Variants in ZRANB3 observed in about 807,000 individuals in gnomAD.
ZRANB3 encodes the protein DNA annealing helicase and endonuclease ZRANB3.
Under a neutral mutation model 133.8 loss-of-function variants are expected in ZRANB3, and 125 were observed. The ratio of observed to expected loss-of-function variants is 0.93; its 90% CI spans 0.81 to 1.08. The LOEUF (loss-of-function observed/expected upper bound fraction) is 1.08, where lower values mean the gene tolerates loss of function less well. ZRANB3 is among the 50% of genes least tolerant of loss of function. ZRANB3 has a pLI of 0.00. For missense variants in ZRANB3, 1,229 were observed against 1,275.5 expected (o/e 0.96, Z 0.56); for synonymous variants, 387 against 432.7 (o/e 0.89, Z 1.31).
At chr2:135,248,498 C>A (rs964070555) in intron 12 of ZRANB3, among the ~76,000 whole-genome samples, 1 of 152,156 alleles carries the variant, frequency 6.6e-6, no homozygotes, top group Non-Finnish European at 1.5e-5. Flanking sequence ...AAACAGACAA[C>A]CTACAGAAAG....
At chr2:135,420,124 T>A (rs13388523) in intron 2 of ZRANB3, among the ~76,000 whole-genome samples, 2,276 of 91,282 alleles carry the variant, frequency 0.025, 64 homozygotes, top group African/African-American at 0.15. Context: ...TATATATATA[T>A]AACTTATAGA....
At chr2:135,472,566 T>G (rs1272770939) in intron 2 of ZRANB3, among the ~76,000 whole-genome samples, 2 of 152,056 alleles carry the variant, frequency 1.3e-5, no homozygotes, top group African/African-American at 4.8e-5. Context: ...ATGCTTGCAT[T>G]GTCACTATTT....
At chr2:135,345,138 C>G (rs1032684684) in intron 6 of ZRANB3, 4 of 152,326 alleles carry the variant, frequency 2.6e-5, no homozygotes, top group Admixed American at 1.3e-4. Context: ...TTATCTATTA[C>G]TTTTATTTAT....
At chr2:135,420,347 C>A (rs1170460004) in intron 2 of ZRANB3, among the ~76,000 whole-genome samples, 3 of 151,796 alleles carry the variant, frequency 2.0e-5, no homozygotes, top group Non-Finnish European at 4.4e-5. Flanking sequence ...ACTTGTTTTA[C>A]AGTTTAAGGA....
intron 6 of ZRANB3, among the ~76,000 whole-genome samples, chr2:135,338,887 A>G (rs1172238502): frequency 2.0e-5 from 3 of 152,248 alleles, no homozygotes; most frequent in African/African-American, 4.8e-5. Flanking sequence ...ATACAATAGT[A>G]TATATGAACA....
At chr2:135,381,860 T>C (rs927110913) in intron 3 of ZRANB3, among the ~76,000 whole-genome samples, 4 of 151,922 alleles carry the variant, frequency 2.6e-5, no homozygotes, top group East Asian at 1.9e-4. Flanking sequence ...CATCATCAAA[T>C]ACCAAAGGTA....
At chr2:135,393,692 A>T (rs1687348837) in intron 2 of ZRANB3, among the ~76,000 whole-genome samples, 1 of 152,178 alleles carries the variant, frequency 6.6e-6, no homozygotes, top group Non-Finnish European at 1.5e-5. Flanking sequence ...CCCTTGTAAA[A>T]TTCATTAATT....
At chr2:135,459,578 G>A (rs534455248) in intron 2 of ZRANB3, among the ~76,000 whole-genome samples, 13 of 152,202 alleles carry the variant, frequency 8.5e-5, no homozygotes, top group African/African-American at 3.1e-4. Context: ...TTTTTTTAAA[G>A]CAATTGTGTA....
At chr2:135,364,439 A>C (rs1685834452) in intron 3 of ZRANB3, among the ~76,000 whole-genome samples, 1 of 152,186 alleles carries the variant, frequency 6.6e-6, no homozygotes, top group Non-Finnish European at 1.5e-5. Flanking sequence ...TAGTATGTAG[A>C]ATAAATTTAT....
intron 2 of ZRANB3, among the ~76,000 whole-genome samples, chr2:135,487,634 G>C (rs764657796): frequency 6.6e-5 from 10 of 152,114 alleles, no homozygotes; most frequent in African/African-American, 2.4e-4. Flanking sequence ...TTATGACGAT[G>C]GCGTTTTTCC....
At position 135,358,149 on chromosome 2, in the gene ZRANB3, G is replaced by A. The variant is rs528447075; in HGVS notation, c.181-4521C>T. Among the ~76,000 whole-genome samples, 3 of 152,194 alleles carry A rather than the reference G, an allele frequency of 2.0e-5. No individual in the cohort carries two copies. The South Asian group carries it at 6.2e-4, about 31-fold the overall frequency. ...AGTACCACAATACTGCTAAAATCTTGGCTTAGTTTTTATCCTTCCCAACTC... is the reference window on the plus strand; with the variant it reads ...AGTACCACAATACTGCTAAAATCTTAGCTTAGTTTTTATCCTTCCCAACTC... On this transcript the variant is annotated intron_variant, in intron 3 of 20. Transcript: ENST00000264159.
intron 3 of ZRANB3, among the ~76,000 whole-genome samples, chr2:135,361,992 A>G (rs1011015378): frequency 6.6e-6 from 1 of 152,032 alleles, no homozygotes; most frequent in Admixed American, 6.6e-5. Flanking sequence ...AGGTCAGAAG[A>G]TGGAGACCAT....
At chr2:135,408,835 G>A (rs1688169656) in intron 2 of ZRANB3, among the ~76,000 whole-genome samples, 1 of 152,020 alleles carries the variant, frequency 6.6e-6, no homozygotes. Context: ...TGGGGTCGGG[G>A]GATGGGGGAG....
intron 1 of ZRANB3, chr2:135,511,610 A>C: frequency 2.5e-6 from 2 of 803,082 alleles, no homozygotes; most frequent in Non-Finnish European, 4.5e-6. Context: ...GCAAGTACGA[A>C]CATCTGCATG....
At chr2:135,307,750 C>T (rs1465995121) in intron 8 of ZRANB3, among the ~76,000 whole-genome samples, 1 of 152,020 alleles carries the variant, frequency 6.6e-6, no homozygotes, top group African/African-American at 2.4e-5. Context: ...ATGCTTCTTC[C>T]TTTGAGGTGA....
chr2:135,418,919 T>TTC (rs201950534), intron 2 of ZRANB3, among the ~76,000 whole-genome samples: 1,557 of 138,966 alleles, frequency 0.011, 47 homozygotes, highest in South Asian at 0.066. Context: ...AAAATAAGGA[T>TTC]TCTCTCTTTT....
intron 8 of ZRANB3, among the ~76,000 whole-genome samples, chr2:135,305,040 G>A (rs930955917): frequency 1.3e-5 from 2 of 151,906 alleles, no homozygotes; most frequent in Admixed American, 6.6e-5. Context: ...GCAGTGGTGC[G>A]ATCTCGGCTC....
intron 3 of ZRANB3, among the ~76,000 whole-genome samples, chr2:135,388,600 T>C (rs1237412064): frequency 6.6e-6 from 1 of 152,208 alleles, no homozygotes; most frequent in Non-Finnish European, 1.5e-5. Context: ...CATATACATA[T>C]ATGACATATA....
chr2:135,275,775 C>A lies in ZRANB3; in HGVS notation c.967-20G>T. ...ACCTGCCTAAATATTAAAAGGTAAA[C>A]CTTATTAGTGTCATAAAAATGATTA... is the stretch of plus-strand genomic sequence containing the variant. On this transcript the variant is annotated intron_variant, in intron 8 of 20. Coordinates refer to ENST00000264159, the MANE Select transcript of ZRANB3 (RefSeq NM_032143.4). 3.4e-6 allele frequency: 5 copies of A among 1,492,272 alleles called. No homozygotes were observed. Among genetic ancestry groups the A allele is most frequent in the South Asian group, 2.7e-5 (2 of 72,878 alleles). 92.4% of individuals were successfully genotyped at this position (1,492,272 alleles called of 1,614,324 possible). A position where few individuals can be genotyped will look rare whatever the true frequency, so the allele number is the denominator to read the frequency against.
Sources: gnomAD v4.1 joint callset for allele counts (sites outside exome capture counted in the v4.1 genomes callset) on GRCh38, gnomAD v4.1.1 for gene constraint, MANE v1.5 for transcripts, NCBI Gene and HGNC (gene_info 2026-07-23, HGNC 2026-07-21) for gene names.